Variants in MRPL30 observed in about 807,000 individuals in gnomAD.
MRPL30 encodes the protein mitochondrial ribosomal protein L30, also known as large ribosomal subunit protein uL30m.
A neutral mutation model predicts 17.2 loss-of-function variants in MRPL30; 10 were observed. The ratio of observed to expected loss-of-function variants is 0.58; its 90% CI spans 0.36 to 0.99. The LOEUF (loss-of-function observed/expected upper bound fraction) is 0.99, where lower values mean the gene tolerates loss of function less well. Ranked by LOEUF, MRPL30 falls within the 50% of genes least tolerant of loss-of-function variation. The pLI is 0.01. For missense variants in MRPL30, 170 were observed against 189.8 expected (o/e 0.90, Z 0.61); for synonymous variants, 61 against 62.1 (o/e 0.98, Z 0.08).
intron 3 of MRPL30, among the ~76,000 whole-genome samples, chr2:99,191,850 T>C (rs1237232975): frequency 6.6e-6 from 1 of 152,228 alleles, no homozygotes; most frequent in African/African-American, 2.4e-5. Flanking sequence ...GCATTACTTT[T>C]CGTGCTTTTT....
Position 99,198,911 on chromosome 2 carries a change from G to C in MRPL30, c.*3206G>C. Among the ~76,000 whole-genome samples the C allele has an allele frequency of 6.6e-6, 1 of 151,852 alleles. No individual in the cohort carries two copies. Among genetic ancestry groups the C allele is most frequent in the Non-Finnish European group, 1.5e-5 (1 of 68,002 alleles). On this transcript the variant is annotated 3_prime_UTR_variant, in exon 6 of 6. Transcript: ENST00000338148. ...CTTAGGGTCTCCTCAATCTAAAATT[G>C]TACCTCTTTCAGGCCAAACACCTAT...
chr2:99,188,098 C>A, intron 2 of MRPL30, 79 bp from the exon 3 acceptor site: 3 of 1,069,888 alleles, frequency 2.8e-6, no homozygotes, highest in South Asian at 3.2e-5. Context: ...GAACAGACTT[C>A]TGTTACCTAA....
In MRPL30 at chr2:99,197,921, G is replaced by C. The variant is rs995154240; in HGVS notation, c.*2216G>C. On this transcript the variant is annotated 3_prime_UTR_variant, in exon 6 of 6. Transcript: ENST00000338148. Reference sequence around the variant, plus strand: ...AGCCTCCCAAAGTGCTGGGAATACAGGTGTGAGCCACCATACCTGGCCTTA... The same window carrying C: ...AGCCTCCCAAAGTGCTGGGAATACACGTGTGAGCCACCATACCTGGCCTTA... Among the ~76,000 whole-genome samples, 2 of 152,104 alleles carry C rather than the reference G, an allele frequency of 1.3e-5. No individual in the cohort carries two copies. Among genetic ancestry groups the C allele is most frequent in the African/African-American group, 4.8e-5 (2 of 41,406 alleles).
chr2:99,189,623 G>A (rs1247470366), intron 3 of MRPL30, among the ~76,000 whole-genome samples: 1 of 152,186 alleles, frequency 6.6e-6, no homozygotes, highest in Non-Finnish European at 1.5e-5. Context: ...TTTTTGTGTG[G>A]ACATAAATTT....
chr2:99,194,146 A>G (rs577656366), intron 3 of MRPL30, among the ~76,000 whole-genome samples: 54 of 152,326 alleles, frequency 3.5e-4, no homozygotes, highest in African/African-American at 1.3e-3. Flanking sequence ...GGTGAGGAAC[A>G]CGGGTTGCCT....
intron 1 of MRPL30, among the ~76,000 whole-genome samples, chr2:99,183,200 G>C (rs544853195): frequency 6.6e-6 from 1 of 152,148 alleles, no homozygotes; most frequent in African/African-American, 2.4e-5. Flanking sequence ...GATTGAGCAA[G>C]AGAGTAATTG....
intron 3 of MRPL30, among the ~76,000 whole-genome samples, chr2:99,193,007 C>T (rs917114543): frequency 3.3e-5 from 5 of 152,188 alleles, no homozygotes; most frequent in African/African-American, 1.2e-4. Context: ...AGCTTCTGCA[C>T]AGCAAAAGAA....
chr2:99,186,236 G>A lies in MRPL30; in HGVS notation c.33G>A (p.Trp11Ter), dbSNP rs1259268101. 1.9e-6 allele frequency: 3 copies of A among 1,613,898 alleles called. No homozygotes were observed. Among genetic ancestry groups the A allele is most frequent in the Non-Finnish European group, 1.7e-6 (2 of 1,179,904 alleles). The change falls in exon 2 of 6, where the codon TGG becomes TGA. Residue 11 changes from tryptophan to a stop codon, truncating the protein, a stop_gained. Coordinates refer to ENST00000338148, the MANE Select transcript of MRPL30 (RefSeq NM_145212.4). LOFTEE classifies it high-confidence loss of function. The stretch of plus-strand genomic sequence containing the variant: ...GGATTTTGCGCTTAGTAGTTCAATG[G>A]CCCCCAGGCAGACTACAGGTAAGTG... MAGILRLVVQWPPGRLQTVTK... is the reference protein window; with the variant it reads MAGILRLVVQ
intron 1 of MRPL30, among the ~76,000 whole-genome samples, chr2:99,181,899 A>G (rs2093923225): frequency 6.6e-6 from 1 of 152,156 alleles, no homozygotes; most frequent in Non-Finnish European, 1.5e-5. Context: ...TTTGCATTTC[A>G]GAAGTGTTTT....
At position 99,198,798 on chromosome 2, in the gene MRPL30, T is replaced by G. The variant is rs1202293776; in HGVS notation, c.*3093T>G. Among the ~76,000 whole-genome samples, 3 of 152,174 alleles carry G rather than the reference T, an allele frequency of 2.0e-5. No individual in the cohort carries two copies. Among genetic ancestry groups the G allele is most frequent in the Non-Finnish European group, 4.4e-5 (3 of 68,034 alleles). ...ATTGCTTTGTTTAGTGTCACCTGCC[T>G]TCTTTCAGGAGGTTTTGCCTGACAT... On this transcript the variant is annotated 3_prime_UTR_variant, in exon 6 of 6. Transcript: ENST00000338148.
At chr2:99,186,423 C>A (rs1057079538) in intron 2 of MRPL30, among the ~76,000 whole-genome samples, 169 bp downstream of exon 2, 2 of 152,104 alleles carry the variant, frequency 1.3e-5, no homozygotes, top group African/African-American at 4.8e-5. Context: ...GTCTCTGCCT[C>A]CCTGATTCAA....
At chr2:99,182,815 A>T (rs1032108116) in intron 1 of MRPL30, among the ~76,000 whole-genome samples, 1 of 152,230 alleles carries the variant, frequency 6.6e-6, no homozygotes, top group Admixed American at 6.5e-5. Context: ...GATGTTTGGG[A>T]TACTTCTATG....
intron 1 of MRPL30, 48 bp from the exon 2 acceptor site, chr2:99,186,129 A>G (rs746831233): frequency 4.9e-5 from 65 of 1,338,566 alleles, no homozygotes; most frequent in Non-Finnish European, 6.8e-5. Flanking sequence ...AAACCTGTTC[A>G]TTTCCAAGAC....
rs773756100 is a variant in MRPL30, at chr2:99,188,190, G to T, written c.65G>T (p.Gly22Val). 5.6e-6 allele frequency: 9 copies of T among 1,599,652 alleles called. No individual in the cohort carries two copies. Among genetic ancestry groups the T allele is most frequent in the African/African-American group, 5.4e-5 (4 of 74,246 alleles). The stretch of plus-strand genomic sequence containing the variant: ...ATCATATTTTAGACTGTGACAAAAG[G>T]TGTGGAGTCTCTTATTTGTACAGAT... ...PPGRLQTVTK[G>V]VESLICTDWI... The change falls in exon 3 of 6, where the codon GGT (glycine) becomes GTT (valine). Residue 22 changes from glycine to valine, a missense_variant. Transcript: ENST00000338148.
intron 1 of MRPL30, among the ~76,000 whole-genome samples, chr2:99,183,811 G>A (rs1183497344): frequency 6.6e-6 from 1 of 152,068 alleles, no homozygotes; most frequent in African/African-American, 2.4e-5. Context: ...GATTTACTTA[G>A]TTTTTGCCAA....
At chr2:99,182,076 G>A (rs1205305099) in intron 1 of MRPL30, among the ~76,000 whole-genome samples, 1 of 152,078 alleles carries the variant, frequency 6.6e-6, no homozygotes, top group Non-Finnish European at 1.5e-5. Flanking sequence ...GTATGTTAAC[G>A]TTTTTCTGAC....
At position 99,188,184 on chromosome 2, in the gene MRPL30, CA is replaced by C. The variant is rs768263884; in HGVS notation, c.63del (p.Gly22ValfsTer51). 1.3e-6 allele frequency: 2 copies of C among 1,591,866 alleles called. No homozygotes were observed. Among genetic ancestry groups the C allele is most frequent in the Admixed American group, 1.8e-5 (1 of 54,700 alleles). ...ATTTATATCATATTTTAGACTGTGACAAAAGGTGTGGAGTCTCTTATTTGTA... is the reference window on the plus strand; with the variant it reads ...ATTTATATCATATTTTAGACTGTGACAAAGGTGTGGAGTCTCTTATTTGTA... Reference protein sequence around the residue: ...QWPPGRLQTVTKGVESLICTD... With the variant: ...QWPPGRLQTVXKGVESLICTD... On this transcript the variant is annotated frameshift_variant, in exon 3 of 6. Coordinates refer to ENST00000338148, the MANE Select transcript of MRPL30 (RefSeq NM_145212.4). LOFTEE classifies it high-confidence loss of function.
chr2:99,194,085 T>C (rs1260226763), intron 3 of MRPL30, among the ~76,000 whole-genome samples: 1 of 152,126 alleles, frequency 6.6e-6, no homozygotes, highest in Admixed American at 6.6e-5. Flanking sequence ...TTACTTAGTT[T>C]TATTATTAAT....
chr2:99,185,337 T>C (rs6756650), intron 1 of MRPL30, among the ~76,000 whole-genome samples: 90,929 of 152,024 alleles, frequency 0.6, 27,985 homozygotes, highest in East Asian at 0.88. Flanking sequence ...TAAAAGCTAC[T>C]ATTTATTGAG....
Sources: gnomAD v4.1 joint callset for allele counts (sites outside exome capture counted in the v4.1 genomes callset) on GRCh38, gnomAD v4.1.1 for gene constraint, MANE v1.5 for transcripts, NCBI Gene and HGNC (gene_info 2026-07-23, HGNC 2026-07-21) for gene names.